Variants in TLN2 observed in about 807,000 individuals in gnomAD.
TLN2 encodes talin-2.
A neutral mutation model predicts 294.7 loss-of-function variants in TLN2; 118 were observed. The observed-to-expected ratio is 0.40, with a 90% confidence interval of 0.34 to 0.47. The LOEUF (loss-of-function observed/expected upper bound fraction) is 0.47, where lower values mean the gene tolerates loss of function less well. Among genes scored for constraint, TLN2 ranks in the 20% least tolerant of loss-of-function variants. TLN2 has a pLI of 0.84. For synonymous variants in TLN2, 1,431 were observed against 1,304.5 expected (o/e 1.10, Z -2.09); for missense variants, 3,083 against 3,282.2 (o/e 0.94, Z 1.48).
At chr15:62,741,748 C>CGCGCGCGCGT in intron 32 of TLN2, among the ~76,000 whole-genome samples, 7 of 131,072 alleles carry the variant, frequency 5.3e-5, no homozygotes, top group Non-Finnish European at 9.6e-5. Flanking sequence ...AAAATTTGCG[C>CGCGCGCGCGT]GTGTGTGTGT....
intron 1 of TLN2, among the ~76,000 whole-genome samples, chr15:62,414,747 C>T (rs1263801343): frequency 7.1e-6 from 1 of 140,724 alleles, no homozygotes; most frequent in African/African-American, 2.5e-5. Context: ...TAGATTTCCA[C>T]TAGTGCTTAG....
At chr15:62,811,904 C>T (rs1383281835) in intron 52 of TLN2, among the ~76,000 whole-genome samples, 2 of 151,954 alleles carry the variant, frequency 1.3e-5, no homozygotes, top group South Asian at 2.1e-4. Context: ...CCTAGCTACT[C>T]AGGAGGCTGA....
rs542120739 is a variant in TLN2 at position 62,481,448 on chromosome 15, G to A, written c.-238+90763G>A. On this transcript the variant is annotated intron_variant, in intron 1 of 58. Transcript: ENST00000636159. ...CCATCACCCAGCTCACTGCAGTCGCGAACTCTTAGGCACAAACGATTGTCC... is the reference window on the plus strand; with the variant it reads ...CCATCACCCAGCTCACTGCAGTCGCAAACTCTTAGGCACAAACGATTGTCC... 1.1e-4 allele frequency among the ~76,000 whole-genome samples: 17 copies of A among 152,216 alleles called. No individual in the cohort carries two copies. The South Asian group carries it at 3.5e-3, about 32-fold the overall frequency.
intron 2 of TLN2, among the ~76,000 whole-genome samples, chr15:62,616,128 G>A (rs1412668664): frequency 6.6e-6 from 1 of 152,094 alleles, no homozygotes; most frequent in African/African-American, 2.4e-5. Context: ...TATTTTCAAA[G>A]TTTATTGCTT....
At chr15:62,785,138 G>T (rs1196426902) in intron 45 of TLN2, among the ~76,000 whole-genome samples, 2 of 152,184 alleles carry the variant, frequency 1.3e-5, no homozygotes, top group African/African-American at 4.8e-5. Flanking sequence ...GCTGTAGCAT[G>T]AATAATTCTA....
chr15:62,530,840 C>T (rs531885863), intron 1 of TLN2, among the ~76,000 whole-genome samples: 53 of 152,140 alleles, frequency 3.5e-4, no homozygotes, highest in African/African-American at 1.1e-3. Flanking sequence ...TGGAGTTGAA[C>T]GTTTTTTGAC....
At chr15:62,647,017 A>G (rs1285566963) in intron 3 of TLN2, among the ~76,000 whole-genome samples, 1 of 152,144 alleles carries the variant, frequency 6.6e-6, no homozygotes, top group Non-Finnish European at 1.5e-5. Context: ...GAACATCTGG[A>G]GCTCCCTCCT....
At position 62,708,575 on chromosome 15, in the gene TLN2, C is replaced by T. The variant is rs749584051; in HGVS notation, c.2246C>T (p.Ser749Leu). 2.2e-5 allele frequency: 35 copies of T among 1,614,032 alleles called. No individual in the cohort carries two copies. The highest frequency in any genetic ancestry group is 2.6e-5 in the Non-Finnish European group (31 of 1,180,038). The part of the protein sequence containing the change: ...LIEAGKLVDR[S>L]VENCVRACQA... ...GAAGCAGGGAAGCTGGTGGACCGCTCGGTGGAGAACTGTGTCCGTGCCTGC... is the reference window on the plus strand; with the variant it reads ...GAAGCAGGGAAGCTGGTGGACCGCTTGGTGGAGAACTGTGTCCGTGCCTGC... Residue 749 changes from serine (S) to leucine (L), a missense_variant, in exon 21 of 59, where the codon TCG (serine) becomes TTG (leucine). Coordinates refer to ENST00000636159, the MANE Select transcript of TLN2 (RefSeq NM_015059.3).
intron 9 of TLN2, chr15:62,658,231 G>T (rs1040475052): frequency 1.4e-5 from 3 of 220,134 alleles, no homozygotes; most frequent in South Asian, 8.1e-5. Context: ...ACGCCAGTGT[G>T]GGGGTTGTGG....
chr15:62,727,725 A>G (rs894994919), intron 28 of TLN2, among the ~76,000 whole-genome samples: 1 of 152,264 alleles, frequency 6.6e-6, no homozygotes, highest in Non-Finnish European at 1.5e-5. Flanking sequence ...TTGCACAATC[A>G]TCAACTCTAA....
intron 27 of TLN2, 100 bp downstream of exon 27, chr15:62,725,204 G>C (rs2060371028): frequency 1.4e-6 from 2 of 1,473,936 alleles, no homozygotes; most frequent in South Asian, 2.8e-5. Flanking sequence ...GGCATGTTGA[G>C]AAGCTTCTAA....
Position 62,840,666 on chromosome 15 carries a change from C to A in TLN2, c.*56C>A. 3 of 1,580,820 alleles carry A rather than the reference C, an allele frequency of 1.9e-6. No individual in the cohort carries two copies. Among genetic ancestry groups the A allele is most frequent in the Non-Finnish European group, 8.6e-7 (1 of 1,164,118 alleles). ...GATGGCCCTGGCTGAACTGGACAGA[C>A]AGTGTTCCTGAGAGGCTGGGCACTT... On this transcript the variant is annotated 3_prime_UTR_variant, in exon 59 of 59. Transcript: ENST00000636159.
intron 9 of TLN2, among the ~76,000 whole-genome samples, chr15:62,661,974 G>C (rs2053895574): frequency 1.3e-5 from 2 of 152,106 alleles, no homozygotes; most frequent in Non-Finnish European, 1.5e-5. Context: ...AGGAAAAATA[G>C]ACTGTATTGC....
chr15:62,438,033 C>T (rs542474330), intron 1 of TLN2, among the ~76,000 whole-genome samples: 1 of 152,278 alleles, frequency 6.6e-6, no homozygotes. Flanking sequence ...CAAGAGCTCA[C>T]TGGGGAAGGC....
intron 55 of TLN2, 55 bp downstream of exon 55, chr15:62,833,684 G>A: frequency 6.3e-7 from 1 of 1,579,732 alleles, no homozygotes; most frequent in South Asian, 1.1e-5. Flanking sequence ...AGCCTCAGGG[G>A]GCCCAGGAAA....
chr15:62,716,928 G>T (rs1181826288), intron 23 of TLN2, among the ~76,000 whole-genome samples: 1 of 128,246 alleles, frequency 7.8e-6, no homozygotes, highest in Non-Finnish European at 1.7e-5. Flanking sequence ...ATAGTAATAG[G>T]CAAAAACTAT....
In TLN2 at chr15:62,749,771, A is replaced by G. The variant is rs145637515; in HGVS notation, c.4120-631A>G. Among the ~76,000 whole-genome samples the G allele has an allele frequency of 9.8e-5, 15 of 152,336 alleles. No homozygotes were observed. The East Asian group carries it at 2.5e-3, about 25-fold the overall frequency. On this transcript the variant is annotated intron_variant, in intron 33 of 58. Coordinates refer to ENST00000636159, the MANE Select transcript of TLN2 (RefSeq NM_015059.3). ...ACAAGTGGTGATCAAGTTCATTACA[A>G]TGCCATGACAGAGCTAGCCATGGTT...
chr15:62,702,279 C>T, intron 18 of TLN2, 79 bp downstream of exon 18: 1 of 1,451,216 alleles, frequency 6.9e-7, no homozygotes, highest in Non-Finnish European at 9.3e-7. Flanking sequence ...GCTCTTGCTT[C>T]CCGAGCTGTT....
intron 2 of TLN2, among the ~76,000 whole-genome samples, chr15:62,596,755 AT>A (rs1474193727): frequency 2.0e-4 from 30 of 148,860 alleles, no homozygotes; most frequent in Admixed American, 8.1e-4. Context: ...AAAAAAAAAA[AT>A]AATAATAACT....
Sources: gnomAD v4.1 joint callset for allele counts (sites outside exome capture counted in the v4.1 genomes callset) on GRCh38, gnomAD v4.1.1 for gene constraint, MANE v1.5 for transcripts, NCBI Gene and HGNC (gene_info 2026-07-23, HGNC 2026-07-21) for gene names.